The following NPHP1 variants were observed in gnomAD, a reference collection of about 807,000 sequenced individuals.
NPHP1 encodes nephrocystin 1, also known as nephrocystin-1.
A neutral mutation model predicts 90.4 loss-of-function variants in NPHP1; 70 were observed. That is an observed-to-expected ratio of 0.77 (90% confidence interval 0.64 to 0.95). NPHP1 has a LOEUF of 0.95. NPHP1 is among the 40% of genes least tolerant of loss of function. The pLI, the probability that NPHP1 is intolerant of heterozygous loss-of-function variation, is 0.00. For missense variants in NPHP1, 764 were observed against 795.9 expected (o/e 0.96, Z 0.48); for synonymous variants, 256 against 271.7 (o/e 0.94, Z 0.57).
chr2:110,193,784 G>C (rs1056418790), intron 2 of NPHP1, among the ~76,000 whole-genome samples: 2 of 152,062 alleles, frequency 1.3e-5, no homozygotes, highest in African/African-American at 2.4e-5. Flanking sequence ...AAATGTAAAA[G>C]AACAGAAATT....
chr2:110,190,224 G>A (rs537392008), intron 2 of NPHP1, among the ~76,000 whole-genome samples: 40 of 152,302 alleles, frequency 2.6e-4, no homozygotes, highest in African/African-American at 8.9e-4. Flanking sequence ...GTCCCACACC[G>A]TGCGCCCGCA....
chr2:110,146,033 G>A (rs1013583580), intron 14 of NPHP1, among the ~76,000 whole-genome samples: 5 of 152,300 alleles, frequency 3.3e-5, no homozygotes, highest in Middle Eastern at 6.8e-3. Flanking sequence ...ATTCAGACTT[G>A]GAGATGTTAA....
chr2:110,154,247 A>T (rs1194073713), intron 11 of NPHP1, among the ~76,000 whole-genome samples: 1 of 152,134 alleles, frequency 6.6e-6, no homozygotes, highest in African/African-American at 2.4e-5. Context: ...GAGAGGTGCC[A>T]TTCACCTTCT....
intron 2 of NPHP1, among the ~76,000 whole-genome samples, chr2:110,194,107 C>G (rs1343534601): frequency 2.6e-5 from 4 of 151,910 alleles, no homozygotes; most frequent in Non-Finnish European, 1.5e-5. Flanking sequence ...ACTGGAGAAC[C>G]AAGAGCAAAC....
chr2:110,180,895 C>T (rs1370144134), intron 2 of NPHP1, among the ~76,000 whole-genome samples: 1 of 152,174 alleles, frequency 6.6e-6, no homozygotes, highest in Non-Finnish European at 1.5e-5. Context: ...GGTGTCTCAG[C>T]AGAGCAGCTG....
At chr2:110,199,861 T>C (rs1685445297) in intron 2 of NPHP1, among the ~76,000 whole-genome samples, 1 of 152,166 alleles carries the variant, frequency 6.6e-6, no homozygotes, top group Non-Finnish European at 1.5e-5. Context: ...AAATGATACC[T>C]AAATGACATT....
At chr2:110,190,274 G>A (rs1684618091) in intron 2 of NPHP1, among the ~76,000 whole-genome samples, 1 of 152,186 alleles carries the variant, frequency 6.6e-6, no homozygotes, top group Non-Finnish European at 1.5e-5. Flanking sequence ...TGGGCACTGT[G>A]GAGCAGGGGG....
rs551301698 is a variant in NPHP1, at chr2:110,143,696, G to A, written c.1430-55C>T. The A allele has an allele frequency of 3.1e-5, 37 of 1,196,006 alleles. No homozygotes were observed. The South Asian group carries it at 3.8e-4, about 12-fold the overall frequency. The allele number at this position is 1,196,006 out of a possible 1,614,324, so 74.1% of individuals were successfully genotyped here. A position where few individuals can be genotyped will look rare whatever the true frequency, so the allele number is the denominator to read the frequency against. On this transcript the variant is annotated intron_variant, in intron 15 of 19. Coordinates refer to ENST00000445609, the MANE Select transcript of NPHP1 (RefSeq NM_001128178.3). ...AAACTTTAAGTACTTGAGACAGTGA[G>A]TATAATAAAACAAGTATTTCATGAA...
intron 16 of NPHP1, among the ~76,000 whole-genome samples, chr2:110,143,110 T>C (rs1680770870): frequency 6.6e-6 from 1 of 152,194 alleles, no homozygotes; most frequent in South Asian, 2.1e-4. Context: ...GATAACTTTT[T>C]AGAGTGAGGG....
chr2:110,160,657 T>C (rs1682244108), intron 10 of NPHP1, among the ~76,000 whole-genome samples: 1 of 152,202 alleles, frequency 6.6e-6, no homozygotes, highest in Admixed American at 6.5e-5. Flanking sequence ...CCACTATTTT[T>C]TATTCCAAGC....
Position 110,125,270 on chromosome 2 carries a change from G to A in NPHP1, c.1761+367C>T, listed in dbSNP as rs1398038051. The A allele has an allele frequency of 2.0e-6, 3 of 1,535,902 alleles. No individual in the cohort carries two copies. The African/African-American group carries it at 4.1e-5, about 21-fold the overall frequency. On this transcript the variant is annotated intron_variant, in intron 19 of 19. Coordinates refer to ENST00000445609, the MANE Select transcript of NPHP1 (RefSeq NM_001128178.3). ...AGCAATGCATTGTTTTCAATATATG[G>A]TACAGCTCAGGCCATTTTTTTTTCC...
rs1188256508 is a variant in NPHP1, at chr2:110,125,815, G to C, written c.1717-134C>G. 9.2e-6 allele frequency: 7 copies of C among 762,800 alleles called. No individual in the cohort carries two copies. The East Asian group carries it at 1.8e-4, about 19-fold the overall frequency. The allele number at this position is 762,800 out of a possible 1,614,324, so 47.3% of individuals were successfully genotyped here. On this transcript the variant is annotated intron_variant, in intron 18 of 19. Coordinates refer to ENST00000445609, the MANE Select transcript of NPHP1 (RefSeq NM_001128178.3). The stretch of plus-strand genomic sequence containing the variant: ...TACAGATTCTATACAAGCAAGAAGT[G>C]AATCTGTAATTAGGAATCTATTGCA...
intron 2 of NPHP1, chr2:110,184,815 G>C: frequency 1.4e-6 from 1 of 707,242 alleles, no homozygotes; most frequent in Non-Finnish European, 2.7e-6. Context: ...CCTGATGGCA[G>C]CACCATTGAG....
intron 14 of NPHP1, among the ~76,000 whole-genome samples, 157 bp downstream of exon 14, chr2:110,146,596 G>A (rs988571825): frequency 1.3e-5 from 2 of 152,086 alleles, no homozygotes; most frequent in Admixed American, 6.6e-5. Flanking sequence ...TGTGCATGCT[G>A]TTTTCATACA....
chr2:110,190,722 G>A (rs1284810667), intron 2 of NPHP1, among the ~76,000 whole-genome samples: 3 of 152,210 alleles, frequency 2.0e-5, no homozygotes, highest in African/African-American at 7.2e-5. Flanking sequence ...GAGTGAGCGA[G>A]GGCTGTGAGG....
intron 16 of NPHP1, among the ~76,000 whole-genome samples, chr2:110,141,561 T>C (rs1680631882): frequency 6.6e-6 from 1 of 152,138 alleles, no homozygotes; most frequent in Non-Finnish European, 1.5e-5. Context: ...ACTATTCTCA[T>C]TTATTAGAAT....
intron 14 of NPHP1, 87 bp downstream of exon 14, chr2:110,146,666 C>A: frequency 1.0e-6 from 1 of 960,704 alleles, no homozygotes; most frequent in Non-Finnish European, 1.7e-6. Flanking sequence ...TATTGGCATG[C>A]TCATAGAACA....
At chr2:110,125,520 TG>T in intron 19 of NPHP1, 116 bp downstream of exon 19, 1 of 1,193,274 alleles carries the variant, frequency 8.4e-7, no homozygotes, top group Non-Finnish European at 1.3e-6. Context: ...ACAGTTTCCC[TG>T]GTTAAGAGGG....
chr2:110,195,310 T>C (rs1685078635), intron 2 of NPHP1, among the ~76,000 whole-genome samples: 1 of 152,122 alleles, frequency 6.6e-6, no homozygotes, highest in Admixed American at 6.5e-5. Flanking sequence ...TTCAGCAAAG[T>C]CTCAGGATAC....
Sources: allele counts gnomAD v4.1 joint callset (sites outside exome capture counted in the v4.1 genomes callset), GRCh38; gene constraint gnomAD v4.1.1; transcripts MANE v1.5; gene names NCBI Gene and HGNC (gene_info 2026-07-23, HGNC 2026-07-21).